LRRFIP1: variants seen among roughly 807,000 people sequenced by gnomAD.
The protein encoded by LRRFIP1 is LRR binding FLII interacting protein 1, also known as leucine-rich repeat flightless-interacting protein 1.
In LRRFIP1, 62 loss-of-function variants were observed where a neutral mutation model predicts 104.4. That is an observed-to-expected ratio of 0.59 (90% CI 0.48 to 0.73). LRRFIP1 has a LOEUF of 0.73. Ranked by LOEUF, LRRFIP1 falls within the 30% of genes least tolerant of loss-of-function variation. LRRFIP1 has a pLI of 0.00. For synonymous variants in LRRFIP1, 300 were observed against 299.0 expected, an observed-to-expected ratio of 1.00 and a Z score of -0.03; for missense variants, 796 against 824.5, an observed-to-expected ratio of 0.97 and a Z score of 0.42.
Position 237,763,214 on chromosome 2 carries a change from G to C in LRRFIP1, c.1459+3009G>C, listed in dbSNP as rs755832425. The C allele has an allele frequency of 2.5e-6, 4 of 1,614,192 alleles. No homozygotes were observed. The South Asian group carries it at 3.3e-5, about 13-fold the overall frequency. On this transcript the variant is annotated intron_variant, in intron 19 of 23. Coordinates refer to ENST00000308482, the MANE Select transcript of LRRFIP1 (RefSeq NM_001137550.2). ...AGAAGTAGGTAGGGATCACAACGAA[G>C]AAGAGGGTGAAGAAACAGGATTAAG...
chr2:237,663,363 G>A (rs2088441799), intron 1 of LRRFIP1, among the ~76,000 whole-genome samples: 1 of 152,182 alleles, frequency 6.6e-6, no homozygotes, highest in South Asian at 2.1e-4. Context: ...GAGCTTTTAG[G>A]AGGTGATTAG....
intron 6 of LRRFIP1, chr2:237,721,067 A>T: frequency 2.1e-6 from 1 of 467,946 alleles, no homozygotes; most frequent in Non-Finnish European, 4.0e-6. Context: ...TCTTTTTTTC[A>T]ATACTTATCC....
At chr2:237,769,456 G>A (rs1005896922) in intron 19 of LRRFIP1, 8 of 155,992 alleles carry the variant, frequency 5.1e-5, no homozygotes, top group African/African-American at 1.7e-4. Context: ...GTGGACTTAG[G>A]GTTGTAAACA....
chr2:237,640,531 G>A (rs996569050), intron 1 of LRRFIP1, among the ~76,000 whole-genome samples: 10 of 152,066 alleles, frequency 6.6e-5, no homozygotes, highest in South Asian at 2.1e-4. Context: ...AGACCCAGTC[G>A]TCCTTCACCC....
rs1340890652 is a variant in LRRFIP1, at chr2:237,639,832, T to C, written c.96+12092T>C. On this transcript the variant is annotated intron_variant, in intron 1 of 23. Transcript: ENST00000308482. ...CTCTGTCCTGGGGGGCGCTGTCCTA[T>C]GCATTATAGGATTTTGAACGGCATC... 2.0e-5 allele frequency among the ~76,000 whole-genome samples: 3 copies of C among 152,322 alleles called. No homozygotes were observed. The East Asian group carries it at 5.8e-4, about 29-fold the overall frequency.
chr2:237,763,246 G>A (rs7609062), intron 19 of LRRFIP1: 56,178 of 1,614,090 alleles, frequency 0.035, 1,870 homozygotes, highest in East Asian at 0.15. Context: ...TAAGGGACGA[G>A]AAACCAATCA....
chr2:237,643,520 G>A (rs2084365089), intron 1 of LRRFIP1, among the ~76,000 whole-genome samples: 1 of 152,260 alleles, frequency 6.6e-6, no homozygotes, highest in South Asian at 2.1e-4. Flanking sequence ...AGGAGTGAAT[G>A]ACTTCGGTCA....
intron 20 of LRRFIP1, 49 bp from the exon 21 acceptor site, chr2:237,772,032 C>T: frequency 2.2e-6 from 3 of 1,360,906 alleles, no homozygotes; most frequent in Middle Eastern, 1.8e-4. Context: ...GCTTTTCGGT[C>T]TCATTCAGAG....
Position 237,761,871 on chromosome 2 carries a change from A to G in LRRFIP1, c.1459+1666A>G, listed in dbSNP as rs56238167. Among the ~76,000 whole-genome samples the G allele has an allele frequency of 4.5e-3, 685 of 152,308 alleles. 1 individual carries two copies. The highest frequency in any genetic ancestry group is 9.5e-3 in the South Asian group (46 of 4,828). ...TTGGAGAGTCCAAAAATTCCAAAAC[A>G]GTTTGATGTTCTTTAGACGATGAAT... On this transcript the variant is annotated intron_variant, in intron 19 of 23. Coordinates refer to ENST00000308482, the MANE Select transcript of LRRFIP1 (RefSeq NM_001137550.2).
intron 1 of LRRFIP1, among the ~76,000 whole-genome samples, chr2:237,673,041 C>A (rs1194552841): frequency 6.6e-6 from 1 of 152,220 alleles, no homozygotes; most frequent in Non-Finnish European, 1.5e-5. Flanking sequence ...TGCTTTCTCT[C>A]ACTTTGTGAG....
At chr2:237,775,238 A>G (rs1308009928) in intron 23 of LRRFIP1, among the ~76,000 whole-genome samples, 2 of 152,226 alleles carry the variant, frequency 1.3e-5, no homozygotes, top group Non-Finnish European at 2.9e-5. Context: ...GTGGCATATA[A>G]GGACAGGCCT....
chr2:237,670,518 C>T (rs765975959), intron 1 of LRRFIP1, among the ~76,000 whole-genome samples: 2 of 152,232 alleles, frequency 1.3e-5, no homozygotes, highest in African/African-American at 2.4e-5. Context: ...AACTACAGTA[C>T]GTGCCTCACC....
At chr2:237,749,349 A>G (rs2058286024) in intron 13 of LRRFIP1, 25 bp downstream of exon 13, 1 of 1,610,298 alleles carries the variant, frequency 6.2e-7, no homozygotes, top group Non-Finnish European at 8.5e-7. Context: ...TCTTACTGAC[A>G]ACTTGAGAGA....
intron 17 of LRRFIP1, among the ~76,000 whole-genome samples, chr2:237,758,508 T>C (rs1483393162): frequency 2.6e-5 from 4 of 152,380 alleles, no homozygotes; most frequent in Middle Eastern, 3.4e-3. Flanking sequence ...AAGATGCGCA[T>C]GTCTTTCATG....
intron 18 of LRRFIP1, among the ~76,000 whole-genome samples, chr2:237,759,391 G>A (rs2059629334): frequency 6.6e-6 from 1 of 152,162 alleles, no homozygotes; most frequent in Non-Finnish European, 1.5e-5. Flanking sequence ...TTGGCCTCCA[G>A]GGTCAAAGCC....
chr2:237,662,156 C>CGT (rs1559492454), intron 1 of LRRFIP1, among the ~76,000 whole-genome samples: 1 of 151,792 alleles, frequency 6.6e-6, no homozygotes, highest in East Asian at 1.9e-4. Flanking sequence ...CCTCGGCCCT[C>CGT]TGGCTTGTAG....
At chr2:237,634,118 C>T (rs1490464889) in intron 1 of LRRFIP1, among the ~76,000 whole-genome samples, 3 of 152,196 alleles carry the variant, frequency 2.0e-5, no homozygotes. Flanking sequence ...CATGCCACTT[C>T]TCTGATAAAA....
At chr2:237,767,776 C>G (rs895400820) in intron 19 of LRRFIP1, among the ~76,000 whole-genome samples, 2 of 152,142 alleles carry the variant, frequency 1.3e-5, no homozygotes, top group Non-Finnish European at 2.9e-5. Context: ...AGACCACCCC[C>G]CAACCCTGTA....
chr2:237,679,638 C>T (rs114291112), intron 1 of LRRFIP1, among the ~76,000 whole-genome samples: 1,822 of 152,216 alleles, frequency 0.012, 24 homozygotes, highest in East Asian at 0.047. Context: ...GACGGTGTAT[C>T]GCTCTTGTTG....
Sources: gnomAD v4.1 joint callset for allele counts (sites outside exome capture counted in the v4.1 genomes callset) on GRCh38, gnomAD v4.1.1 for gene constraint, MANE v1.5 for transcripts, NCBI Gene and HGNC (gene_info 2026-07-23, HGNC 2026-07-21) for gene names.